Variants in ASIC2 observed in about 807,000 individuals in gnomAD.
ASIC2 encodes the protein acid-sensing ion channel 2.
In ASIC2, 25 loss-of-function variants were observed where a neutral mutation model predicts 57.3. The ratio of observed to expected loss-of-function variants is 0.44; its 90% CI spans 0.32 to 0.61. The LOEUF is 0.61. ASIC2 is among the 20% of genes least tolerant of loss of function. ASIC2 has a pLI of 0.06. For synonymous variants in ASIC2, 319 were observed against 307.5 expected, an observed-to-expected ratio of 1.04 and a Z score of -0.39; for missense variants, 641 against 738.1, an observed-to-expected ratio of 0.87 and a Z score of 1.52.
At chr17:33,480,154 G>A (rs1300324077) in intron 1 of ASIC2, among the ~76,000 whole-genome samples, 3 of 152,150 alleles carry the variant, frequency 2.0e-5, no homozygotes, top group Admixed American at 2.0e-4. Flanking sequence ...TTTGTACTGG[G>A]CATCATTGTG....
At chr17:33,862,026 C>A (rs371768545) in intron 1 of ASIC2, among the ~76,000 whole-genome samples, 1 of 152,226 alleles carries the variant, frequency 6.6e-6, no homozygotes, top group African/African-American at 2.4e-5. Context: ...CACCACGATA[C>A]TGTCTGCTCT....
intron 1 of ASIC2, among the ~76,000 whole-genome samples, chr17:33,599,121 G>A (rs113188130): frequency 2.6e-5 from 4 of 152,344 alleles, no homozygotes; most frequent in African/African-American, 9.6e-5. Flanking sequence ...ACTTCACAGG[G>A]TTGTGAAGAG....
At chr17:33,271,371 C>T (rs1904486077) in intron 1 of ASIC2, among the ~76,000 whole-genome samples, 1 of 152,200 alleles carries the variant, frequency 6.6e-6, no homozygotes, top group Admixed American at 6.5e-5. Context: ...ATCTCCTGTC[C>T]TGACCTCCTC....
intron 1 of ASIC2, among the ~76,000 whole-genome samples, chr17:33,729,206 C>T (rs1265697429): frequency 6.6e-6 from 1 of 152,114 alleles, no homozygotes; most frequent in East Asian, 1.9e-4. Flanking sequence ...GCAATCCTGG[C>T]AGAAGGAGAA....
intron 1 of ASIC2, among the ~76,000 whole-genome samples, chr17:33,163,979 C>G (rs1376320753): frequency 5.3e-5 from 8 of 152,246 alleles, no homozygotes; most frequent in Non-Finnish European, 8.8e-5. Flanking sequence ...GGGACAACTA[C>G]TGCGGATGAC....
intron 1 of ASIC2, among the ~76,000 whole-genome samples, chr17:33,512,528 A>C (rs964347524): frequency 2.0e-5 from 3 of 152,242 alleles, no homozygotes; most frequent in Admixed American, 1.3e-4. Flanking sequence ...AGAGATGAGC[A>C]TTTAGAAAAA....
intron 1 of ASIC2, among the ~76,000 whole-genome samples, chr17:33,302,716 T>A (rs1316451885): frequency 2.0e-5 from 3 of 152,024 alleles, no homozygotes; most frequent in African/African-American, 7.2e-5. Context: ...AAAGGAAGAG[T>A]TAATATATTC....
chr17:34,099,239 GAGAA>G (rs1160056111), intron 1 of ASIC2, among the ~76,000 whole-genome samples: 2 of 138,584 alleles, frequency 1.4e-5, no homozygotes, highest in East Asian at 4.1e-4. Context: ...AAAAGAAAGA[GAGAA>G]AGGAAGGAAG....
At chr17:33,028,097 A>T in intron 4 of ASIC2, 145 bp downstream of exon 4, 1 of 1,169,902 alleles carries the variant, frequency 8.5e-7, no homozygotes, top group Non-Finnish European at 1.2e-6. Flanking sequence ...CCCTCTTAAT[A>T]GGCACCAAAT....
At chr17:33,896,735 T>C (rs1163800015) in intron 1 of ASIC2, among the ~76,000 whole-genome samples, 1 of 152,222 alleles carries the variant, frequency 6.6e-6, no homozygotes, top group East Asian at 1.9e-4. Flanking sequence ...TCAGAACCTG[T>C]GTGTAGCATT....
chr17:34,046,833 G>C (rs190347206), intron 1 of ASIC2, among the ~76,000 whole-genome samples: 4 of 152,210 alleles, frequency 2.6e-5, no homozygotes, highest in African/African-American at 9.6e-5. Context: ...TCAGGCCTGG[G>C]GGGTAGGCTT....
intron 1 of ASIC2, among the ~76,000 whole-genome samples, chr17:33,868,012 G>C (rs1316777301): frequency 1.3e-5 from 2 of 152,162 alleles, no homozygotes; most frequent in African/African-American, 4.8e-5. Flanking sequence ...ATTTCTGTGT[G>C]AGAAGGTTTT....
chr17:33,868,059 A>G (rs1447737896), intron 1 of ASIC2, among the ~76,000 whole-genome samples: 1 of 152,214 alleles, frequency 6.6e-6, no homozygotes, highest in African/African-American at 2.4e-5. Context: ...GATCTTAGCA[A>G]GAGCTAGGAA....
chr17:33,478,346 T>C (rs1054201870), intron 1 of ASIC2, among the ~76,000 whole-genome samples: 2 of 152,246 alleles, frequency 1.3e-5, no homozygotes, highest in Non-Finnish European at 2.9e-5. Context: ...AACTTCCCTT[T>C]ATTTTTCACT....
At chr17:33,491,965 C>CT (rs140753059) in intron 1 of ASIC2, among the ~76,000 whole-genome samples, 1 of 152,184 alleles carries the variant, frequency 6.6e-6, no homozygotes, top group African/African-American at 2.4e-5. Context: ...CAAGTCTAAT[C>CT]TTTTTTGTAG....
intron 1 of ASIC2, among the ~76,000 whole-genome samples, chr17:33,801,900 C>T (rs1382592381): frequency 1.3e-5 from 2 of 152,128 alleles, no homozygotes; most frequent in East Asian, 1.9e-4. Context: ...TTTCCATCAT[C>T]GCAGAGTGTA....
At chr17:34,153,285 C>A (rs1039867536) in intron 1 of ASIC2, among the ~76,000 whole-genome samples, 2 of 152,168 alleles carry the variant, frequency 1.3e-5, no homozygotes, top group Non-Finnish European at 2.9e-5. Context: ...AATAAGTCAG[C>A]CACCGCACTT....
At chr17:33,966,798 A>G (rs144074499) in intron 1 of ASIC2, among the ~76,000 whole-genome samples, 1 of 152,326 alleles carries the variant, frequency 6.6e-6, no homozygotes, top group African/African-American at 2.4e-5. Flanking sequence ...TACAGAGTTG[A>G]TTTCCGGCTC....
intron 1 of ASIC2, among the ~76,000 whole-genome samples, chr17:33,128,199 C>G (rs1004692956): frequency 4.6e-5 from 7 of 152,250 alleles, no homozygotes; most frequent in Non-Finnish European, 1.0e-4. Context: ...GCACCCTGTG[C>G]TCCCCTCCAT....
Sources: gnomAD v4.1 joint callset for allele counts (sites outside exome capture counted in the v4.1 genomes callset) on GRCh38, gnomAD v4.1.1 for gene constraint, MANE v1.5 for transcripts, NCBI Gene and HGNC (gene_info 2026-07-23, HGNC 2026-07-21) for gene names.